Variants in LAMC1 observed in about 807,000 individuals in gnomAD.
The protein encoded by LAMC1 is laminin subunit gamma 1.
Under a neutral mutation model 173.6 loss-of-function variants are expected in LAMC1, and 38 were observed. The ratio of observed to expected loss-of-function variants is 0.22; its 90% CI spans 0.17 to 0.29. The LOEUF (loss-of-function observed/expected upper bound fraction) is 0.29, where lower values mean the gene tolerates loss of function less well. Ranked by LOEUF, LAMC1 falls within the 10% of genes least tolerant of loss-of-function variation. The pLI, the probability that LAMC1 is intolerant of heterozygous loss-of-function variation, is 1.00. For synonymous variants in LAMC1, 746 were observed against 749.1 expected (o/e 1.00, Z 0.07); for missense variants, 1,824 against 2,051.8 (o/e 0.89, Z 2.14).
At chr1:183,080,910 C>T (rs559050891) in intron 1 of LAMC1, among the ~76,000 whole-genome samples, 2 of 151,884 alleles carry the variant, frequency 1.3e-5, no homozygotes, top group Admixed American at 6.6e-5. Context: ...TTTTTTGAGA[C>T]GGAGTTTTGC....
intron 1 of LAMC1, among the ~76,000 whole-genome samples, chr1:183,041,937 A>G (rs2102015617): frequency 1.3e-5 from 2 of 152,330 alleles, no homozygotes; most frequent in East Asian, 3.9e-4. Flanking sequence ...AGGTTTTCCC[A>G]TGATGGAATT....
At chr1:183,066,923 C>A (rs1654888748) in intron 1 of LAMC1, among the ~76,000 whole-genome samples, 1 of 151,992 alleles carries the variant, frequency 6.6e-6, no homozygotes, top group East Asian at 1.9e-4. Context: ...ATGTAACAAA[C>A]CTGCACATTC....
chr1:183,089,997 A>G (rs1655525246), intron 1 of LAMC1, among the ~76,000 whole-genome samples: 2 of 152,206 alleles, frequency 1.3e-5, no homozygotes, highest in South Asian at 4.1e-4. Flanking sequence ...CCTGGGCATG[A>G]TAAGAAGTCT....
chr1:183,128,885 A>AT (rs1656701822), intron 18 of LAMC1, 135 bp downstream of exon 18: 4 of 629,258 alleles, frequency 6.4e-6, no homozygotes, highest in Admixed American at 7.6e-5. Context: ...AAATCATTTC[A>AT]TTTTTTAAAC....
chr1:183,137,806 G>A lies in LAMC1; in HGVS notation c.4452G>A (p.Gln1484=), dbSNP rs771660258. ...ELKRKQDDAD[Q]DMMMAGMASQ... is the part of the protein sequence containing the mutation. ...AGAGAAAACAAGATGACGCTGACCA[G>A]GACATGATGATGGCAGGGATGGTAA... Residue 1484 remains glutamine, a synonymous_variant, in exon 26 of 28, where the codon CAG becomes CAA. Transcript: ENST00000258341. 2.9e-5 allele frequency: 46 copies of A among 1,607,558 alleles called. No individual in the cohort carries two copies. The highest frequency in any genetic ancestry group is 3.8e-5 in the Non-Finnish European group (45 of 1,176,932).
At chr1:183,026,510 T>C (rs946121626) in intron 1 of LAMC1, among the ~76,000 whole-genome samples, 1 of 152,200 alleles carries the variant, frequency 6.6e-6, no homozygotes, top group Admixed American at 6.5e-5. Context: ...TTTTGATGTT[T>C]AGCATATTCA....
chr1:183,137,713 A>AGGG lies in LAMC1; in HGVS notation c.4360_4361insGGG (p.Glu1453_Val1454insGly), dbSNP rs772675750. On this transcript the variant is annotated inframe_insertion, in exon 26 of 28. Coordinates refer to ENST00000258341, the MANE Select transcript of LAMC1 (RefSeq NM_002293.4). ...CAGAAGCTGAAAGAACTTTTGCAGA[A>AGGG]GTTACAGATCTGGATAATGAGGTGA... 2 of 1,602,590 alleles carry AGGG rather than the reference A, an allele frequency of 1.2e-6. No homozygotes were observed. Among genetic ancestry groups the AGGG allele is most frequent in the South Asian group, 2.2e-5 (2 of 89,028 alleles).
intron 1 of LAMC1, among the ~76,000 whole-genome samples, chr1:183,039,690 A>G (rs1387939232): frequency 6.6e-6 from 1 of 152,170 alleles, no homozygotes; most frequent in African/African-American, 2.4e-5. Flanking sequence ...TTTTAAACAT[A>G]TGTCCACTTT....
chr1:183,136,327 A>AAGGC, intron 24 of LAMC1, 59 bp from the exon 25 acceptor site: 2 of 1,474,598 alleles, frequency 1.4e-6, no homozygotes, highest in Non-Finnish European at 1.9e-6. Flanking sequence ...AACTCCCTGA[A>AAGGC]AGGCCCCCTT....
intron 1 of LAMC1, among the ~76,000 whole-genome samples, chr1:183,084,785 C>G (rs1655383285): frequency 6.6e-6 from 1 of 152,088 alleles, no homozygotes; most frequent in Non-Finnish European, 1.5e-5. Context: ...TTAAGAGAGA[C>G]AATGCTAGGC....
chr1:183,023,576 G>A lies in LAMC1; in HGVS notation c.-141G>A. The A allele has an allele frequency of 3.7e-6, 2 of 535,040 alleles. No individual in the cohort carries two copies. The highest frequency in any genetic ancestry group is 9.0e-5 in the South Asian group (1 of 11,152). The allele number at this position is 535,040 out of a possible 1,614,324, so 33.1% of individuals were successfully genotyped here. ...CCACCCGTCAGTCTCTCCGGCGCGAGCCGCCGCCACCGCCCGCGCCGGAGT... is the reference window on the plus strand; with the variant it reads ...CCACCCGTCAGTCTCTCCGGCGCGAACCGCCGCCACCGCCCGCGCCGGAGT... On this transcript the variant is annotated 5_prime_UTR_variant, in exon 1 of 28. Coordinates refer to ENST00000258341, the MANE Select transcript of LAMC1 (RefSeq NM_002293.4).
At chr1:183,045,030 C>T (rs1221491341) in intron 1 of LAMC1, among the ~76,000 whole-genome samples, 1 of 151,596 alleles carries the variant, frequency 6.6e-6, no homozygotes, top group East Asian at 1.9e-4. Flanking sequence ...TCCAGTGAAC[C>T]CAGGGATTAT....
chr1:183,137,866 G>T (rs1274205984), intron 26 of LAMC1, 39 bp downstream of exon 26: 2 of 1,535,222 alleles, frequency 1.3e-6, no homozygotes, highest in South Asian at 1.3e-5. Context: ...GGCAGAAAGT[G>T]AACAGTGTTT....
At chr1:183,114,106 G>A (rs550062229) in intron 4 of LAMC1, among the ~76,000 whole-genome samples, 1 of 152,292 alleles carries the variant, frequency 6.6e-6, no homozygotes, top group East Asian at 1.9e-4. Flanking sequence ...TTTAGCTCTT[G>A]TCGCCCAGGC....
At chr1:183,074,751 C>T (rs1455761964) in intron 1 of LAMC1, among the ~76,000 whole-genome samples, 1 of 152,076 alleles carries the variant, frequency 6.6e-6, no homozygotes, top group Non-Finnish European at 1.5e-5. Flanking sequence ...CCTTTAATCC[C>T]CAATCTTACT....
At chr1:183,095,734 G>T (rs149862571) in intron 1 of LAMC1, among the ~76,000 whole-genome samples, 68 of 152,276 alleles carry the variant, frequency 4.5e-4, no homozygotes, top group African/African-American at 1.4e-3. Flanking sequence ...ATTAGGTCTG[G>T]TATTGAGTCT....
At chr1:183,054,076 TTTG>T (rs545492123) in intron 1 of LAMC1, among the ~76,000 whole-genome samples, 131 of 152,356 alleles carry the variant, frequency 8.6e-4, no homozygotes, top group African/African-American at 3.0e-3. Context: ...GGTGGGTTGA[TTTG>T]TTGTTCTGAA....
intron 1 of LAMC1, among the ~76,000 whole-genome samples, chr1:183,052,910 G>T (rs2102024714): frequency 6.6e-6 from 1 of 152,234 alleles, no homozygotes; most frequent in Admixed American, 6.5e-5. Flanking sequence ...CTCTAGGATT[G>T]ATGTGCATAG....
At chr1:183,039,151 T>C (rs1654060248) in intron 1 of LAMC1, among the ~76,000 whole-genome samples, 1 of 152,014 alleles carries the variant, frequency 6.6e-6, no homozygotes, top group South Asian at 2.1e-4. Context: ...TAAAGAATTT[T>C]TTCTAAAAAA....
Sources: gnomAD v4.1 joint callset for allele counts (sites outside exome capture counted in the v4.1 genomes callset) on GRCh38, gnomAD v4.1.1 for gene constraint, MANE v1.5 for transcripts, NCBI Gene and HGNC (gene_info 2026-07-23, HGNC 2026-07-21) for gene names.